LRCH3: variants seen among roughly 807,000 people sequenced by gnomAD.
LRCH3 encodes the protein leucine rich repeats and calponin homology domain containing 3.
A neutral mutation model predicts 104.5 loss-of-function variants in LRCH3; 68 were observed. That is an observed-to-expected ratio of 0.65 (90% confidence interval 0.54 to 0.80). LRCH3 has a LOEUF of 0.80. LRCH3 is among the 30% of genes least tolerant of loss of function. The pLI is 0.00. For synonymous variants in LRCH3, 344 were observed against 361.3 expected, an observed-to-expected ratio of 0.95 and a Z score of 0.54; for missense variants, 951 against 953.9, an observed-to-expected ratio of 1.00 and a Z score of 0.04.
intron 1 of LRCH3, among the ~76,000 whole-genome samples, chr3:197,813,303 A>G (rs943791047): frequency 6.6e-6 from 1 of 152,172 alleles, no homozygotes; most frequent in Admixed American, 6.5e-5. Context: ...CATTCCCAAA[A>G]AGAGAAAACA....
chr3:197,835,195 T>C (rs1278506199), intron 8 of LRCH3, among the ~76,000 whole-genome samples: 1 of 152,070 alleles, frequency 6.6e-6, no homozygotes, highest in African/African-American at 2.4e-5. Flanking sequence ...ATTTTTTTTT[T>C]GTTTTTGAGA....
chr3:197,844,926 C>T (rs1738418879), intron 10 of LRCH3, among the ~76,000 whole-genome samples: 1 of 151,876 alleles, frequency 6.6e-6, no homozygotes, highest in Non-Finnish European at 1.5e-5. Flanking sequence ...CCCGGCCCTG[C>T]TGATAGGTTT....
intron 15 of LRCH3, among the ~76,000 whole-genome samples, chr3:197,860,491 A>G (rs1740746292): frequency 6.6e-6 from 1 of 152,204 alleles, no homozygotes; most frequent in Admixed American, 6.5e-5. Context: ...AATTGAGGCC[A>G]GGAACTCAAG....
In LRCH3 at chr3:197,825,801, A is replaced by G. The variant is rs1735138807; in HGVS notation, c.641-1077A>G. On this transcript the variant is annotated intron_variant, in intron 4 of 20. Transcript: ENST00000425562. ...GCTGATTTTTCTTATATTTTTTATT[A>G]TTCATTTCTGTGTCATTTTGTGTTA... Among the ~76,000 whole-genome samples, 3 of 151,982 alleles carry G rather than the reference A, an allele frequency of 2.0e-5. No individual in the cohort carries two copies. In the South Asian group the frequency reaches 6.2e-4, roughly 31 times the overall value.
intron 11 of LRCH3, 120 bp from the exon 12 acceptor site, chr3:197,847,752 G>A (rs1738965235): frequency 2.2e-6 from 1 of 458,740 alleles, no homozygotes; most frequent in Non-Finnish European, 2.9e-6. Context: ...TTCAAGCAAT[G>A]CTAGGTGACT....
Position 197,865,417 on chromosome 3 carries a change from CCA to C in LRCH3, c.1717-3_1717-2del. ...CAATTATTGATATATGTCTGTTTCT[CCA>C]CAGAGTGATGACAGACCTAATGCTC... On this transcript the variant is annotated splice_region_variant and splice_polypyrimidine_tract_variant and intron_variant, in intron 15 of 20. Transcript: ENST00000425562. 1 of 1,554,992 alleles carries C rather than the reference CCA, an allele frequency of 6.4e-7. No homozygotes were observed. Among genetic ancestry groups the C allele is most frequent in the Non-Finnish European group, 8.8e-7 (1 of 1,140,104 alleles).
chr3:197,828,355 T>C (rs1381788651), intron 5 of LRCH3, among the ~76,000 whole-genome samples: 1 of 151,984 alleles, frequency 6.6e-6, no homozygotes, highest in Admixed American at 6.6e-5. Flanking sequence ...TATTTTTTTA[T>C]TTTTTTGTGA....
Position 197,802,469 on chromosome 3 carries a change from G to A in LRCH3, c.262+10929G>A, listed in dbSNP as rs180885468. ...CCATGTATGTTCATCAGTGATAGTG[G>A]CTTGTAATTTTATTTTTTGTGTCCA... On this transcript the variant is annotated intron_variant, in intron 1 of 20. Coordinates refer to ENST00000425562, the MANE Select transcript of LRCH3 (RefSeq NM_001365715.1). 4.6e-5 allele frequency among the ~76,000 whole-genome samples: 7 copies of A among 152,286 alleles called. No individual in the cohort carries two copies. The East Asian group carries it at 1.3e-3, about 29-fold the overall frequency.
intron 9 of LRCH3, among the ~76,000 whole-genome samples, 192 bp from the exon 10 acceptor site, chr3:197,839,129 G>A (rs545815192): frequency 1.8e-4 from 27 of 152,336 alleles, no homozygotes; most frequent in African/African-American, 6.5e-4. Context: ...TTTGTGGATT[G>A]TGAATGTTTT....
chr3:197,793,893 G>A (rs1309084581), intron 1 of LRCH3, among the ~76,000 whole-genome samples: 1 of 152,160 alleles, frequency 6.6e-6, no homozygotes, highest in African/African-American at 2.4e-5. Context: ...GACCTTGCTC[G>A]TTACCCAGTC....
At chr3:197,802,712 C>T (rs7616886) in intron 1 of LRCH3, among the ~76,000 whole-genome samples, 123,219 of 152,128 alleles carry the variant, frequency 0.81, 50,756 homozygotes, top group East Asian at 0.99. Context: ...GATTCAATCT[C>T]GGGAGGTTCT....
At position 197,883,450 on chromosome 3, in the gene LRCH3, AG is replaced by A; in HGVS notation, c.2209-87del. 2 of 1,430,060 alleles carry A rather than the reference AG, an allele frequency of 1.4e-6. No homozygotes were observed. Among genetic ancestry groups the A allele is most frequent in the Non-Finnish European group, 1.8e-6 (2 of 1,085,436 alleles). The allele number at this position is 1,430,060 out of a possible 1,614,324, so 88.6% of individuals were successfully genotyped here. A position where few individuals can be genotyped will look rare whatever the true frequency, so the allele number is the denominator to read the frequency against. ...TTCATATCTAAGTTGATGATTGTGAAGGGGAGAAGTGCTTATTTTTTCCTTT... is the reference window on the plus strand; with the variant it reads ...TTCATATCTAAGTTGATGATTGTGAAGGGAGAAGTGCTTATTTTTTCCTTT... On this transcript the variant is annotated intron_variant, in intron 20 of 20. Coordinates refer to ENST00000425562, the MANE Select transcript of LRCH3 (RefSeq NM_001365715.1). This position sits in a 1 kb window ranked among gnomAD's most constrained non-coding sequence, Gnocchi z 4.2.
chr3:197,818,013 G>A (rs1383761871), intron 3 of LRCH3, among the ~76,000 whole-genome samples: 2 of 152,138 alleles, frequency 1.3e-5, no homozygotes, highest in Non-Finnish European at 2.9e-5. Context: ...AGTAGAGACA[G>A]GGTTTCACCG....
chr3:197,838,709 C>T (rs1040230232), intron 9 of LRCH3, among the ~76,000 whole-genome samples: 2 of 152,042 alleles, frequency 1.3e-5, no homozygotes, highest in African/African-American at 4.8e-5. Context: ...TTGAAAATGA[C>T]GTTTTACTCT....
At chr3:197,865,297 A>T in intron 15 of LRCH3, 126 bp from the exon 16 acceptor site, 1 of 603,204 alleles carries the variant, frequency 1.7e-6, no homozygotes, top group South Asian at 2.2e-5. Flanking sequence ...CCAAATTCTC[A>T]CCTCTAGACT....
At chr3:197,830,734 A>G in intron 6 of LRCH3, 36 bp from the exon 7 acceptor site, 1 of 1,529,874 alleles carries the variant, frequency 6.5e-7, no homozygotes, top group Non-Finnish European at 9.0e-7. Context: ...TTGTTAAAAT[A>G]ACAAACTTTG....
At chr3:197,835,588 T>C in intron 8 of LRCH3, 86 bp from the exon 9 acceptor site, 5 of 1,313,678 alleles carry the variant, frequency 3.8e-6, no homozygotes, top group Non-Finnish European at 3.9e-6. Context: ...GAAAAGGAAA[T>C]AAGTAAATGT....
intron 1 of LRCH3, among the ~76,000 whole-genome samples, chr3:197,797,089 G>C (rs1036882836): frequency 2.6e-5 from 4 of 151,360 alleles, no homozygotes; most frequent in African/African-American, 4.9e-5. Context: ...GCACTTTGGG[G>C]GGCCGAGGCG....
chr3:197,845,163 C>CT (rs951701364), intron 10 of LRCH3, among the ~76,000 whole-genome samples: 1 of 152,080 alleles, frequency 6.6e-6, no homozygotes, highest in Non-Finnish European at 1.5e-5. Flanking sequence ...AATCCCAGCA[C>CT]TTTGAGAGGC....
Sources: gnomAD v4.1 joint callset for allele counts (sites outside exome capture counted in the v4.1 genomes callset) on GRCh38, gnomAD v4.1.1 for gene constraint, Gnocchi (gnomAD v3.1) non-coding constraint, MANE v1.5 for transcripts, NCBI Gene and HGNC (gene_info 2026-07-23, HGNC 2026-07-21) for gene names.